LIPC: variants seen among roughly 807,000 people sequenced by gnomAD.
LIPC encodes the protein lipase C, hepatic type, also known as hepatic triacylglycerol lipase.
Under a neutral mutation model 50.7 loss-of-function variants are expected in LIPC, and 44 were observed. The ratio of observed to expected loss-of-function variants is 0.87; its 90% CI spans 0.68 to 1.11. The LOEUF is 1.11. Among genes scored for constraint, LIPC ranks in the 50% most tolerant of loss-of-function variants. The pLI is 0.00. For missense variants in LIPC, 697 were observed against 648.2 expected, an observed-to-expected ratio of 1.08 and a Z score of -0.82; for synonymous variants, 271 against 256.4, an observed-to-expected ratio of 1.06 and a Z score of -0.54.
chr15:58,541,730 AG>A (rs2074617893), intron 2 of LIPC, 54 bp from the exon 3 acceptor site: 2 of 1,545,600 alleles, frequency 1.3e-6, no homozygotes, highest in Non-Finnish European at 1.8e-6. Flanking sequence ...AGAAGGAAGA[AG>A]GGTGAGCGGG....
chr15:58,460,328 G>A (rs540996895), intron 1 of LIPC, among the ~76,000 whole-genome samples: 1 of 152,338 alleles, frequency 6.6e-6, no homozygotes, highest in South Asian at 2.1e-4. Context: ...AACAGCTCAT[G>A]GTGAGAGGAA....
intron 1 of LIPC, among the ~76,000 whole-genome samples, chr15:58,505,278 G>A (rs559125736): frequency 6.6e-6 from 1 of 152,318 alleles, no homozygotes; most frequent in East Asian, 1.9e-4. Context: ...TATGGTCCCA[G>A]CCCCCCTACT....
At chr15:58,508,537 C>T (rs574246059) in intron 1 of LIPC, among the ~76,000 whole-genome samples, 1 of 152,300 alleles carries the variant, frequency 6.6e-6, no homozygotes, top group African/African-American at 2.4e-5. Flanking sequence ...CTTTTCCTCT[C>T]CTATAGGCCG....
rs546100913 is a variant in LIPC at position 58,548,192 on chromosome 15, G to A, written c.809-138G>A. On this transcript the variant is annotated intron_variant, in intron 5 of 8. Coordinates refer to ENST00000299022, the MANE Select transcript of LIPC (RefSeq NM_000236.3). ...TGTCACATCCTGCTCTTGTCAAGGG[G>A]TCTGCCTTGACAAGCCCACCCTTGC... is the stretch of plus-strand genomic sequence containing the variant. 7 of 1,061,270 alleles carry A rather than the reference G, an allele frequency of 6.6e-6. No homozygotes were observed. In the African/African-American group the frequency reaches 9.3e-5, roughly 14 times the overall value. The allele number at this position is 1,061,270 out of a possible 1,614,324, so 65.7% of individuals were successfully genotyped here. A position where few individuals can be genotyped will look rare whatever the true frequency, so the allele number is the denominator to read the frequency against.
At position 58,563,700 on chromosome 15, in the gene LIPC, C is replaced by T. The variant is rs779723443; in HGVS notation, c.1365C>T (p.Val455=). Residue 455 remains valine (V), a synonymous_variant, in exon 8 of 9, where the codon GTC becomes GTT. Coordinates refer to ENST00000299022, the MANE Select transcript of LIPC (RefSeq NM_000236.3). ...GCCTCGTTCTGAAGACGATCAGAGT[C>T]AAAGCAGGAGAAACCCAGCAAAGGT... ...HSGLVLKTIR[V]KAGETQQRMT... The T allele has an allele frequency of 6.2e-7, 1 of 1,613,304 alleles. No individual in the cohort carries two copies. Among genetic ancestry groups the T allele is most frequent in the Non-Finnish European group, 8.5e-7 (1 of 1,180,014 alleles).
chr15:58,565,248 T>C (rs1437589654), intron 8 of LIPC: 3 of 1,535,602 alleles, frequency 2.0e-6, no homozygotes, highest in East Asian at 4.9e-5. Flanking sequence ...TCTTCTCACA[T>C]GACTCTTTGG....
intron 1 of LIPC, among the ~76,000 whole-genome samples, chr15:58,507,567 A>C (rs1892192089): frequency 6.6e-6 from 1 of 152,216 alleles, no homozygotes; most frequent in Non-Finnish European, 1.5e-5. Context: ...GAGCTCACTA[A>C]AGTGGTCCCT....
intron 1 of LIPC, among the ~76,000 whole-genome samples, chr15:58,511,026 C>T (rs11633131): frequency 0.1 from 15,481 of 152,248 alleles, 1,024 homozygotes; most frequent in Non-Finnish European, 0.15. Flanking sequence ...TGTATATTTA[C>T]GGATGAAGAG....
At chr15:58,495,153 G>A (rs114704567) in intron 1 of LIPC, among the ~76,000 whole-genome samples, 3,151 of 152,268 alleles carry the variant, frequency 0.021, 100 homozygotes, top group African/African-American at 0.07. Flanking sequence ...ACTGGACTAC[G>A]CATCAAGACC....
chr15:58,498,913 T>C (rs1264099070), intron 1 of LIPC, among the ~76,000 whole-genome samples: 1 of 152,196 alleles, frequency 6.6e-6, no homozygotes, highest in Non-Finnish European at 1.5e-5. Context: ...GGGTTGTTTA[T>C]ACAAATAGGA....
At chr15:58,563,965 C>A in intron 8 of LIPC, 1 of 522,562 alleles carries the variant, frequency 1.9e-6, no homozygotes. Context: ...CCGTGGCTAA[C>A]GCTGCCTGCC....
intron 1 of LIPC, among the ~76,000 whole-genome samples, chr15:58,466,046 C>T (rs1007757441): frequency 6.6e-6 from 1 of 152,198 alleles, no homozygotes; most frequent in Non-Finnish European, 1.5e-5. Context: ...GATGTTTGGG[C>T]TGTCATCATT....
At chr15:58,509,674 G>A (rs543792538) in intron 1 of LIPC, among the ~76,000 whole-genome samples, 21 of 151,894 alleles carry the variant, frequency 1.4e-4, no homozygotes, top group South Asian at 4.2e-4. Flanking sequence ...CTCTGTATAC[G>A]CAGTGTTTTG....
At position 58,563,546 on chromosome 15, in the gene LIPC, T is replaced by C. The variant is rs766684620; in HGVS notation, c.1211T>C (p.Ile404Thr). The C allele has an allele frequency of 1.1e-5, 17 of 1,614,118 alleles. No homozygotes were observed. In the South Asian group the frequency reaches 1.6e-4, roughly 16 times the overall value. ...IASNKTYSFL[I>T]TLDVDIGELI... ...AGTAATAAAACGTATTCCTTTCTTA[T>C]CACGCTGGATGTGGATATCGGCGAG... Residue 404 changes from isoleucine to threonine, a missense_variant, in exon 8 of 9, where the codon ATC becomes ACC. Physicochemically the swap from Ile to Thr is moderately conservative, Grantham distance 89 (BLOSUM62 -1). Coordinates refer to ENST00000299022, the MANE Select transcript of LIPC (RefSeq NM_000236.3).
chr15:58,516,639 C>G (rs1009105944), intron 1 of LIPC, among the ~76,000 whole-genome samples: 16 of 152,184 alleles, frequency 1.1e-4, no homozygotes, highest in Non-Finnish European at 2.4e-4. Flanking sequence ...TTTCATATCT[C>G]AGACATTGAT....
intron 1 of LIPC, among the ~76,000 whole-genome samples, chr15:58,464,989 G>A (rs768703971): frequency 5.9e-5 from 9 of 152,002 alleles, no homozygotes; most frequent in Non-Finnish European, 1.0e-4. Flanking sequence ...GGGGAGCGAG[G>A]GGGGAGCCCA....
At chr15:58,530,087 A>G (rs1287798965) in intron 1 of LIPC, among the ~76,000 whole-genome samples, 1 of 152,148 alleles carries the variant, frequency 6.6e-6, no homozygotes, top group African/African-American at 2.4e-5. Context: ...TTGATAAGAG[A>G]AGGAAAATGA....
intron 1 of LIPC, chr15:58,497,698 C>G (rs1230130955): frequency 6.6e-6 from 1 of 152,452 alleles, no homozygotes; most frequent in East Asian, 1.9e-4. Context: ...TCTCCCCACT[C>G]TATTCCCCAA....
intron 1 of LIPC, among the ~76,000 whole-genome samples, chr15:58,484,790 G>A (rs1031429288): frequency 6.6e-6 from 1 of 152,220 alleles, no homozygotes. Context: ...CTTACAAATG[G>A]AGTATGCCAA....
Sources: gnomAD v4.1 joint callset for allele counts (sites outside exome capture counted in the v4.1 genomes callset) on GRCh38, gnomAD v4.1.1 for gene constraint, MANE v1.5 for transcripts, NCBI Gene and HGNC (gene_info 2026-07-23, HGNC 2026-07-21) for gene names.